PACRG: variants seen among roughly 807,000 people sequenced by gnomAD.
PACRG encodes the protein parkin coregulated, also known as parkin coregulated gene protein.
Under a neutral mutation model 29.7 loss-of-function variants are expected in PACRG, and 29 were observed. The ratio of observed to expected loss-of-function variants is 0.98; its 90% CI spans 0.73 to 1.33. PACRG has a LOEUF of 1.33. PACRG is among the 40% of genes most tolerant of loss of function. PACRG has a pLI of 0.00. For synonymous variants in PACRG, 116 were observed against 118.7 expected (o/e 0.98, Z 0.15); for missense variants, 279 against 316.2 (o/e 0.88, Z 0.89).
chr6:163,045,540 G>A (rs2128241235), intron 2 of PACRG, among the ~76,000 whole-genome samples: 1 of 151,644 alleles, frequency 6.6e-6, no homozygotes, highest in South Asian at 2.1e-4. Context: ...AGCCAGGATG[G>A]TCTTGATCTC....
At chr6:163,227,281 G>A (rs528270186) in intron 4 of PACRG, among the ~76,000 whole-genome samples, 2 of 152,232 alleles carry the variant, frequency 1.3e-5, no homozygotes, top group African/African-American at 4.8e-5. Flanking sequence ...CAAGAGGGAG[G>A]TGGGAGGTAA....
chr6:163,163,512 C>T (rs908349552), intron 4 of PACRG, among the ~76,000 whole-genome samples: 8 of 150,890 alleles, frequency 5.3e-5, no homozygotes, highest in African/African-American at 1.7e-4. Flanking sequence ...CCTCAGGTGA[C>T]GCGCCTGCCT....
chr6:162,748,425 C>T (rs1008965906), intron 1 of PACRG, among the ~76,000 whole-genome samples: 5 of 152,076 alleles, frequency 3.3e-5, no homozygotes, highest in East Asian at 1.9e-4. Context: ...CCCCAGGAGG[C>T]GGAGGTTGCA....
chr6:162,783,870 G>A (rs1245218692), intron 1 of PACRG, among the ~76,000 whole-genome samples: 1 of 151,996 alleles, frequency 6.6e-6, no homozygotes, highest in East Asian at 1.9e-4. Flanking sequence ...TATTATCAAT[G>A]CATTTTTGTC....
intron 1 of PACRG, among the ~76,000 whole-genome samples, chr6:162,795,435 C>A (rs1385666630): frequency 6.6e-6 from 1 of 152,090 alleles, no homozygotes; most frequent in Non-Finnish European, 1.5e-5. Flanking sequence ...GTCCATGTTT[C>A]CCCACTGATT....
chr6:163,233,807 A>G (rs1320219565), intron 4 of PACRG, among the ~76,000 whole-genome samples: 1 of 152,254 alleles, frequency 6.6e-6, no homozygotes, highest in African/African-American at 2.4e-5. Context: ...TCTGTTCTGA[A>G]AACAAAATTC....
At chr6:162,980,274 G>A (rs188162066) in intron 2 of PACRG, among the ~76,000 whole-genome samples, 2 of 151,948 alleles carry the variant, frequency 1.3e-5, no homozygotes, top group African/African-American at 4.8e-5. Context: ...TTAGGCCCAG[G>A]TCATAAATGT....
At chr6:162,970,541 C>T (rs76207675) in intron 2 of PACRG, among the ~76,000 whole-genome samples, 1,606 of 152,236 alleles carry the variant, frequency 0.011, 31 homozygotes, top group African/African-American at 0.036. Flanking sequence ...GCCTCTCTTC[C>T]CCCACCCACT....
At chr6:162,926,807 A>G (rs2321183) in intron 2 of PACRG, among the ~76,000 whole-genome samples, 79,973 of 151,988 alleles carry the variant, frequency 0.53, 21,975 homozygotes, top group Middle Eastern at 0.69. Context: ...TAGCAAATGG[A>G]ATCTAATTAA....
At chr6:163,128,268 C>T (rs117736956) in intron 4 of PACRG, among the ~76,000 whole-genome samples, 18 of 152,292 alleles carry the variant, frequency 1.2e-4, no homozygotes, top group Non-Finnish European at 2.6e-4. Context: ...TTTAAGCATC[C>T]TCCTAAAGAA....
chr6:163,272,909 T>TTTTTTTTTTTTTA (rs1783890312), intron 4 of PACRG, among the ~76,000 whole-genome samples: 4 of 132,380 alleles, frequency 3.0e-5, no homozygotes, highest in Non-Finnish European at 4.7e-5. Flanking sequence ...TTTTTTTTTT[T>TTTTTTTTTTTTTA]GAGACGGAGT....
intron 2 of PACRG, chr6:162,892,054 C>T (rs1056719007): frequency 6.6e-6 from 1 of 152,456 alleles, no homozygotes; most frequent in Non-Finnish European, 1.5e-5. Context: ...TCCTGGAAGA[C>T]TGACTACGTT....
chr6:162,930,343 C>G (rs1437935290), intron 2 of PACRG, among the ~76,000 whole-genome samples: 4 of 151,556 alleles, frequency 2.6e-5, no homozygotes, highest in Non-Finnish European at 5.9e-5. Flanking sequence ...ATTTTATATT[C>G]TTTGTAACTT....
intron 2 of PACRG, among the ~76,000 whole-genome samples, chr6:162,955,052 T>G: frequency 6.6e-6 from 1 of 152,168 alleles, no homozygotes; most frequent in Non-Finnish European, 1.5e-5. Context: ...TACTCCCTGT[T>G]TCATGTTAAC....
chr6:162,911,536 A>T (rs1419281111), intron 2 of PACRG, among the ~76,000 whole-genome samples: 1 of 152,250 alleles, frequency 6.6e-6, no homozygotes, highest in Admixed American at 6.5e-5. Flanking sequence ...TACTTACAGA[A>T]TATAGATATG....
chr6:162,849,041 A>C (rs1790643037), intron 2 of PACRG, among the ~76,000 whole-genome samples: 1 of 152,226 alleles, frequency 6.6e-6, no homozygotes, highest in Admixed American at 6.5e-5. Flanking sequence ...GGTTTACCAG[A>C]GAAACACAAG....
At chr6:163,285,882 G>C (rs980192360) in intron 4 of PACRG, among the ~76,000 whole-genome samples, 3 of 152,118 alleles carry the variant, frequency 2.0e-5, no homozygotes, top group African/African-American at 7.2e-5. Context: ...GACTCTGAAA[G>C]GAGCCTCACT....
chr6:162,760,264 T>A (rs1434353155), intron 1 of PACRG, among the ~76,000 whole-genome samples: 3 of 152,128 alleles, frequency 2.0e-5, no homozygotes, highest in Non-Finnish European at 2.9e-5. Context: ...GTCCCTGGGA[T>A]CTACATGGGA....
intron 3 of PACRG, among the ~76,000 whole-genome samples, chr6:163,081,694 T>C (rs1273484609): frequency 2.0e-5 from 3 of 152,050 alleles, no homozygotes; most frequent in Non-Finnish European, 2.9e-5. Context: ...TGGATTAAGC[T>C]ATAGTGGGCT....
Sources: allele counts gnomAD v4.1 joint callset (sites outside exome capture counted in the v4.1 genomes callset), GRCh38; gene constraint gnomAD v4.1.1; transcripts MANE v1.5; gene names NCBI Gene and HGNC (gene_info 2026-07-23, HGNC 2026-07-21).